USH2A: variants seen among roughly 807,000 people sequenced by gnomAD.
USH2A encodes Usher syndrome 2A (autosomal recessive, mild).
USH2A carries 443 observed loss-of-function variants against 538.9 expected under a neutral mutation model. The observed-to-expected ratio is 0.82, with a 90% CI of 0.76 to 0.89. The LOEUF (loss-of-function observed/expected upper bound fraction) is 0.89, where lower values mean the gene tolerates loss of function less well. Among genes scored for constraint, USH2A ranks in the 40% least tolerant of loss-of-function variants. The pLI is 0.00. For missense variants in USH2A, 6,633 were observed against 6,324.8 expected, an observed-to-expected ratio of 1.05 and a Z score of -1.65; for synonymous variants, 2,413 against 2,273.5, an observed-to-expected ratio of 1.06 and a Z score of -1.75.
chr1:215,853,150 T>C (rs1468442576), intron 44 of USH2A, among the ~76,000 whole-genome samples: 7 of 152,328 alleles, frequency 4.6e-5, no homozygotes, highest in African/African-American at 1.7e-4. Flanking sequence ...TTTCCATACA[T>C]ACTTTAAAAT....
At chr1:216,179,796 G>T (rs116236297) in intron 20 of USH2A, among the ~76,000 whole-genome samples, 14 of 151,954 alleles carry the variant, frequency 9.2e-5, no homozygotes, top group African/African-American at 3.4e-4. Flanking sequence ...TGAATTATTC[G>T]TCAGATTTTC....
At chr1:215,657,992 G>A (rs1657316912) in intron 64 of USH2A, among the ~76,000 whole-genome samples, 1 of 149,822 alleles carries the variant, frequency 6.7e-6, no homozygotes. Context: ...GGAGTGCAGT[G>A]GCGTGATCTC....
rs113500081 is a variant in USH2A, at chr1:215,675,661, T to C, written c.12295-45A>G. On this transcript the variant is annotated intron_variant, in intron 62 of 71. Coordinates refer to ENST00000307340, the MANE Select transcript of USH2A (RefSeq NM_206933.4). ...AAAGGGATAACTTGCAGCATACAAT[T>C]TCTTTGTGTAGTTACTTAGCCCCTT... 227 of 1,613,710 alleles carry C rather than the reference T, an allele frequency of 1.4e-4. No individual in the cohort carries two copies. In the African/African-American group the frequency reaches 2.6e-3, roughly 18 times the overall value.
rs2797234 is a variant in USH2A, at chr1:215,675,245, T to C, written c.12666A>G (p.Thr4222=). ...VFTEYNTERN[T]FMYNDTGLQP... is the part of the protein sequence containing the mutation. The stretch of plus-strand genomic sequence containing the variant: ...GCAAACCTGTGTCATTATACATAAA[T>C]GTATTCCTTTCAGTGTTATATTCTG... The change falls in exon 63 of 72, where the codon ACA becomes ACG. Residue 4222 remains threonine (T), a synonymous_variant. Coordinates refer to ENST00000307340, the MANE Select transcript of USH2A (RefSeq NM_206933.4). 0.37 allele frequency: 600,364 copies of C among 1,613,974 alleles called. 114,339 individuals carry two copies. The highest frequency in any genetic ancestry group is 0.45 in the Admixed American group (27,022 of 60,008).
chr1:216,176,324 C>T (rs575754181), intron 20 of USH2A, among the ~76,000 whole-genome samples: 1 of 152,042 alleles, frequency 6.6e-6, no homozygotes, highest in South Asian at 2.1e-4. Context: ...CAGCCTGGAA[C>T]TCCTGGGCTC....
intron 37 of USH2A, among the ~76,000 whole-genome samples, chr1:215,961,332 C>G (rs1237452316): frequency 6.6e-6 from 1 of 151,346 alleles, no homozygotes; most frequent in African/African-American, 2.4e-5. Context: ...GAATACACAA[C>G]AGAAATATGC....
At chr1:216,409,736 GAATAAAGACTTAAACGTAA>G (rs2039453957) in intron 3 of USH2A, among the ~76,000 whole-genome samples, 3 of 152,054 alleles carry the variant, frequency 2.0e-5, no homozygotes, top group Admixed American at 2.0e-4. Context: ...ACTCAAGTTG[GAATAAAGACTTAAACGTAA>G]AACCCAAAAC....
intron 55 of USH2A, among the ~76,000 whole-genome samples, chr1:215,779,324 C>T (rs1048910682): frequency 6.6e-6 from 1 of 151,956 alleles, no homozygotes; most frequent in Non-Finnish European, 1.5e-5. Flanking sequence ...ATTATTAAGG[C>T]TAATGATAAT....
chr1:216,015,548 T>A (rs941347401), intron 32 of USH2A, among the ~76,000 whole-genome samples: 2 of 152,226 alleles, frequency 1.3e-5, no homozygotes, highest in Non-Finnish European at 2.9e-5. Context: ...GTCCTGTGCT[T>A]TCAAACTGAT....
chr1:215,825,855 A>C (rs1663137277), intron 47 of USH2A, among the ~76,000 whole-genome samples: 1 of 152,196 alleles, frequency 6.6e-6, no homozygotes, highest in South Asian at 2.1e-4. Context: ...TGTTTATTAT[A>C]AATTGTAGTA....
At chr1:216,380,835 A>G (rs1309080711) in intron 3 of USH2A, among the ~76,000 whole-genome samples, 1 of 152,144 alleles carries the variant, frequency 6.6e-6, no homozygotes, top group Non-Finnish European at 1.5e-5. Flanking sequence ...TCTATCACAT[A>G]TCACTTTTTC....
intron 41 of USH2A, among the ~76,000 whole-genome samples, chr1:215,886,380 G>A (rs1209643402): frequency 2.0e-5 from 3 of 152,138 alleles, no homozygotes; most frequent in Non-Finnish European, 2.9e-5. Context: ...TCTTAAGATC[G>A]TTCTGAACAT....
intron 64 of USH2A, among the ~76,000 whole-genome samples, chr1:215,662,799 C>G (rs1657483939): frequency 6.6e-6 from 1 of 152,092 alleles, no homozygotes; most frequent in African/African-American, 2.4e-5. Flanking sequence ...GAGAAATTAA[C>G]CAGACAAAAA....
intron 38 of USH2A, among the ~76,000 whole-genome samples, chr1:215,925,215 G>A (rs1177902846): frequency 6.6e-6 from 1 of 152,108 alleles, no homozygotes; most frequent in Non-Finnish European, 1.5e-5. Flanking sequence ...GGATTTGAGA[G>A]CATGTTTAAG....
rs182425939 is a variant in USH2A at position 215,665,608 on chromosome 1, A to T, written c.14133+5364T>A. ...AAGGTAAAAACCAAAATGTCTTAAC[A>T]GAGTAGACTCACACCCAGGTCCCTC... On this transcript the variant is annotated intron_variant, in intron 64 of 71. Transcript: ENST00000307340. 3.9e-5 allele frequency among the ~76,000 whole-genome samples: 6 copies of T among 152,340 alleles called. No individual in the cohort carries two copies. The East Asian group carries it at 1.2e-3, about 29-fold the overall frequency.
chr1:216,181,754 T>C (rs1400091810), intron 20 of USH2A, among the ~76,000 whole-genome samples: 1 of 152,142 alleles, frequency 6.6e-6, no homozygotes, highest in Non-Finnish European at 1.5e-5. Context: ...TTTATGGGGC[T>C]TATGCAATTA....
chr1:216,138,207 G>T (rs866417980), intron 21 of USH2A, among the ~76,000 whole-genome samples: 3 of 152,086 alleles, frequency 2.0e-5, no homozygotes, highest in South Asian at 4.1e-4. Flanking sequence ...TTGTACACTG[G>T]TATTTAGGAT....
intron 30 of USH2A, among the ~76,000 whole-genome samples, chr1:216,055,523 TG>T (rs529533432): frequency 3.9e-5 from 6 of 152,326 alleles, no homozygotes; most frequent in African/African-American, 1.4e-4. Context: ...CAATCCAATA[TG>T]CCATGCTTCC....
At chr1:216,242,235 C>A (rs535271970) in intron 13 of USH2A, among the ~76,000 whole-genome samples, 2 of 151,016 alleles carry the variant, frequency 1.3e-5, no homozygotes, top group Non-Finnish European at 2.9e-5. Flanking sequence ...GTAGTCCCAG[C>A]TGCTCGGGAG....
Sources: gnomAD v4.1 joint callset for allele counts (sites outside exome capture counted in the v4.1 genomes callset) on GRCh38, gnomAD v4.1.1 for gene constraint, MANE v1.5 for transcripts, NCBI Gene and HGNC (gene_info 2026-07-23, HGNC 2026-07-21) for gene names.